The following TMTC2 variants were observed in gnomAD, a reference collection of about 807,000 sequenced individuals.
TMTC2 encodes the protein protein O-mannosyl-transferase TMTC2.
In TMTC2, 43 loss-of-function variants were observed where a neutral mutation model predicts 82.4. The observed-to-expected ratio is 0.52, with a 90% CI of 0.41 to 0.67. The LOEUF (loss-of-function observed/expected upper bound fraction) is 0.67, where lower values mean the gene tolerates loss of function less well. Ranked by LOEUF, TMTC2 falls within the 30% of genes least tolerant of loss-of-function variation. The pLI, the probability that TMTC2 is intolerant of heterozygous loss-of-function variation, is 0.00. For synonymous variants in TMTC2, 408 were observed against 381.9 expected (o/e 1.07, Z -0.80); for missense variants, 919 against 1,012.4 (o/e 0.91, Z 1.25).
intron 1 of TMTC2, among the ~76,000 whole-genome samples, chr12:82,735,165 A>G (rs1875020688): frequency 1.3e-5 from 2 of 152,148 alleles, no homozygotes; most frequent in African/African-American, 4.8e-5. Flanking sequence ...TTTAAATCAA[A>G]TCAATCATAT....
At chr12:83,105,581 A>G (rs907526431) in intron 11 of TMTC2, among the ~76,000 whole-genome samples, 2 of 152,160 alleles carry the variant, frequency 1.3e-5, no homozygotes, top group African/African-American at 2.4e-5. Flanking sequence ...ATCCACTTAA[A>G]CAAGCAGATC....
At chr12:82,969,752 G>GT (rs926348578) in intron 7 of TMTC2, among the ~76,000 whole-genome samples, 13 of 152,114 alleles carry the variant, frequency 8.5e-5, no homozygotes, top group African/African-American at 1.2e-4. Flanking sequence ...CTTATAAGTA[G>GT]TTTTTTTAAA....
chr12:82,991,731 A>G (rs1879411629), intron 8 of TMTC2, among the ~76,000 whole-genome samples: 1 of 152,234 alleles, frequency 6.6e-6, no homozygotes, highest in Admixed American at 6.5e-5. Flanking sequence ...ACCTAGGGCA[A>G]GTGCCATGAA....
rs536825496 is a variant in TMTC2 at position 82,762,139 on chromosome 12, G to A, written c.83+74470G>A. Among the ~76,000 whole-genome samples the A allele has an allele frequency of 2.0e-5, 3 of 151,768 alleles. No individual in the cohort carries two copies. The East Asian group carries it at 5.8e-4, about 29-fold the overall frequency. Reference sequence around the variant, plus strand: ...ATGCCACCAAGCAAGGCTAATTTTTGTATTTTTTTAGTAGAGATGGGGTTT... The same window carrying A: ...ATGCCACCAAGCAAGGCTAATTTTTATATTTTTTTAGTAGAGATGGGGTTT... On this transcript the variant is annotated intron_variant, in intron 1 of 11. Coordinates refer to ENST00000321196, the MANE Select transcript of TMTC2 (RefSeq NM_152588.3).
At chr12:82,868,812 A>C (rs141161122) in intron 2 of TMTC2, among the ~76,000 whole-genome samples, 2,310 of 151,926 alleles carry the variant, frequency 0.015, 67 homozygotes, top group African/African-American at 0.053. Flanking sequence ...CTATATAATA[A>C]ACCTTTTCAG....
intron 11 of TMTC2, among the ~76,000 whole-genome samples, chr12:83,075,149 T>C (rs1033084644): frequency 2.6e-5 from 4 of 152,148 alleles, no homozygotes; most frequent in Admixed American, 2.6e-4. Context: ...TTTCAGCTTC[T>C]CCAGTGGGGG....
At chr12:82,777,568 G>A (rs1877663202) in intron 1 of TMTC2, among the ~76,000 whole-genome samples, 1 of 152,052 alleles carries the variant, frequency 6.6e-6, no homozygotes, top group Non-Finnish European at 1.5e-5. Flanking sequence ...AGTTTCTCTA[G>A]CTGCTAAACT....
At chr12:82,824,621 A>T (rs778896910) in intron 1 of TMTC2, among the ~76,000 whole-genome samples, 12 of 152,246 alleles carry the variant, frequency 7.9e-5, no homozygotes, top group Non-Finnish European at 1.8e-4. Context: ...TGCCTGTAAC[A>T]TTTAGTAAAA....
intron 4 of TMTC2, among the ~76,000 whole-genome samples, 169 bp downstream of exon 4, chr12:82,930,714 G>A (rs1875983085): frequency 6.6e-6 from 1 of 152,056 alleles, no homozygotes; most frequent in South Asian, 2.1e-4. Flanking sequence ...TGATTTCTTT[G>A]TTTCGGGCCA....
Position 82,930,435 on chromosome 12 carries a change from G to A in TMTC2, c.1488G>A (p.Trp496Ter), listed in dbSNP as rs1287849805. ...SGIKVNPAKA[W>*]GNLGNVLKSQ... Reference sequence around the variant, plus strand: ...ATTTCTTTTTCTTCTTGGCAGCATGGGGTAACCTTGGAAATGTTCTGAAGA... The same window carrying A: ...ATTTCTTTTTCTTCTTGGCAGCATGAGGTAACCTTGGAAATGTTCTGAAGA... Residue 496 changes from tryptophan to a stop codon, truncating the protein, a stop_gained, in exon 4 of 12, where the codon TGG becomes TGA. Coordinates refer to ENST00000321196, the MANE Select transcript of TMTC2 (RefSeq NM_152588.3). LOFTEE classifies it high-confidence loss of function. 17 of 1,581,302 alleles carry A rather than the reference G, an allele frequency of 1.1e-5. No individual in the cohort carries two copies. The highest frequency in any genetic ancestry group is 8.6e-7 in the Non-Finnish European group (1 of 1,157,964).
intron 3 of TMTC2, among the ~76,000 whole-genome samples, chr12:82,922,929 C>CT (rs1262474596): frequency 2.0e-5 from 3 of 152,180 alleles, no homozygotes; most frequent in Non-Finnish European, 2.9e-5. Context: ...TTCCTACCCA[C>CT]TATCAGCCAA....
chr12:82,986,057 G>A lies in TMTC2; in HGVS notation c.2070+11G>A, dbSNP rs780122300. The A allele has an allele frequency of 1.6e-5, 26 of 1,613,636 alleles. No individual in the cohort carries two copies. Among genetic ancestry groups the A allele is most frequent in the African/African-American group, 6.7e-5 (5 of 74,860 alleles). On this transcript the variant is annotated intron_variant, in intron 8 of 11. Coordinates refer to ENST00000321196, the MANE Select transcript of TMTC2 (RefSeq NM_152588.3). The stretch of plus-strand genomic sequence containing the variant: ...CTGCTAGCTCTAACAGTGAGTAACC[G>A]CCTTCCTTGGTCTTTAAAACTTGGT...
intron 1 of TMTC2, among the ~76,000 whole-genome samples, chr12:82,847,417 T>C (rs1870744933): frequency 6.6e-6 from 1 of 152,142 alleles, no homozygotes; most frequent in Non-Finnish European, 1.5e-5. Context: ...TAGAATTTAA[T>C]TTATTAACCC....
chr12:82,995,046 C>G (rs1475739084), intron 8 of TMTC2, among the ~76,000 whole-genome samples: 1 of 151,870 alleles, frequency 6.6e-6, no homozygotes, highest in South Asian at 2.1e-4. Context: ...CATATTGACT[C>G]TCCTATCACA....
chr12:83,066,220 GGA>G (rs915403983), intron 11 of TMTC2, among the ~76,000 whole-genome samples: 15 of 151,928 alleles, frequency 9.9e-5, no homozygotes, highest in African/African-American at 3.6e-4. Context: ...AAAGCGCACA[GGA>G]GAGAGAAATG....
chr12:82,924,042 A>G (rs1299438540), intron 3 of TMTC2, among the ~76,000 whole-genome samples: 1 of 152,364 alleles, frequency 6.6e-6, no homozygotes, highest in African/African-American at 2.4e-5. Flanking sequence ...TTGTGGAGCA[A>G]TAATTTAAGG....
Position 82,828,231 on chromosome 12 carries a change from T to TC in TMTC2, c.84-28778dup, listed in dbSNP as rs1869538485. On this transcript the variant is annotated intron_variant, in intron 1 of 11. Transcript: ENST00000321196. ...TTTGGCTTTTTTTTTTTTTTTTTTT[T>TC]CTGAGGCAGTCTCACTCTGTCACCC... is the stretch of plus-strand genomic sequence containing the variant. Among the ~76,000 whole-genome samples, 3 of 142,996 alleles carry TC rather than the reference T, an allele frequency of 2.1e-5. No homozygotes were observed. The South Asian group carries it at 6.6e-4, about 32-fold the overall frequency. The allele number at this position is 142,996 out of a possible 152,430, so 93.8% of individuals were successfully genotyped here.
At chr12:82,991,494 A>C (rs960744893) in intron 8 of TMTC2, among the ~76,000 whole-genome samples, 1 of 152,178 alleles carries the variant, frequency 6.6e-6, no homozygotes, top group African/African-American at 2.4e-5. Flanking sequence ...ACAATTTTAT[A>C]TCCTACATTA....
At chr12:82,775,347 G>A (rs575174591) in intron 1 of TMTC2, among the ~76,000 whole-genome samples, 1 of 152,094 alleles carries the variant, frequency 6.6e-6, no homozygotes, top group East Asian at 1.9e-4. Context: ...CTATTCGGGA[G>A]GCTAAGGTGG....
Sources: allele counts gnomAD v4.1 joint callset (sites outside exome capture counted in the v4.1 genomes callset), GRCh38; gene constraint gnomAD v4.1.1; transcripts MANE v1.5; gene names NCBI Gene and HGNC (gene_info 2026-07-23, HGNC 2026-07-21).